Variants in CAMTA1 observed in about 807,000 individuals in gnomAD.
CAMTA1 encodes the protein calmodulin binding transcription activator 1.
A neutral mutation model predicts 170.9 loss-of-function variants in CAMTA1; 27 were observed. That is an observed-to-expected ratio of 0.16 (90% confidence interval 0.12 to 0.22). The LOEUF is 0.22. Among genes scored for constraint, CAMTA1 ranks in the 10% least tolerant of loss-of-function variants. The pLI, the probability that CAMTA1 is intolerant of heterozygous loss-of-function variation, is 1.00. For missense variants in CAMTA1, 1,619 were observed against 2,217.2 expected, an observed-to-expected ratio of 0.73 and a Z score of 5.42; for synonymous variants, 833 against 891.5, an observed-to-expected ratio of 0.93 and a Z score of 1.17.
Position 7,565,179 on chromosome 1 carries a change from G to A in CAMTA1, c.511-75221G>A, listed in dbSNP as rs184946944. On this transcript the variant is annotated intron_variant, in intron 6 of 22. Transcript: ENST00000303635. The surrounding 1 kb of genome is among the most constrained non-coding windows in gnomAD (Gnocchi z 4.5). ...CACCCCCACCCTCCACTTGCCAGCC[G>A]ATCACTGGGGCAGAAGGTGGGATCT... Among the ~76,000 whole-genome samples, 13 of 152,180 alleles carry A rather than the reference G, an allele frequency of 8.5e-5. No individual in the cohort carries two copies. Among genetic ancestry groups the A allele is most frequent in the South Asian group, 2.1e-4 (1 of 4,822 alleles).
chr1:7,755,517 T>A (rs1212545689), intron 21 of CAMTA1, 121 bp from the exon 22 acceptor site: 2 of 820,390 alleles, frequency 2.4e-6, no homozygotes, highest in Non-Finnish European at 4.2e-6. Flanking sequence ...ACTCTCCTTT[T>A]CTTTCTTTCC....
chr1:7,243,528 A>G (rs1301630551), intron 4 of CAMTA1, among the ~76,000 whole-genome samples: 1 of 152,216 alleles, frequency 6.6e-6, no homozygotes, highest in Non-Finnish European at 1.5e-5. Context: ...GTCAAAGATC[A>G]GATAGTTGTA....
At chr1:7,444,070 C>G (rs1259233953) in intron 5 of CAMTA1, among the ~76,000 whole-genome samples, 1 of 152,180 alleles carries the variant, frequency 6.6e-6, no homozygotes, top group Non-Finnish European at 1.5e-5. Flanking sequence ...TTCCCTCGCT[C>G]AGAGGAAACC....
chr1:7,453,907 C>T (rs1456851186), intron 5 of CAMTA1, among the ~76,000 whole-genome samples: 3 of 152,272 alleles, frequency 2.0e-5, no homozygotes, highest in African/African-American at 7.2e-5. Flanking sequence ...CCTGGAGGTG[C>T]ATCCACTGTG....
intron 3 of CAMTA1, among the ~76,000 whole-genome samples, chr1:6,907,782 G>A (rs1678858213): frequency 6.6e-6 from 1 of 152,200 alleles, no homozygotes; most frequent in African/African-American, 2.4e-5. Flanking sequence ...AGACCAGTCA[G>A]CCCTCGGTGG....
At chr1:7,576,175 A>AT (rs2095190378) in intron 6 of CAMTA1, among the ~76,000 whole-genome samples, 2 of 151,706 alleles carry the variant, frequency 1.3e-5, no homozygotes, top group Admixed American at 1.3e-4. Flanking sequence ...CGCCTGGCTA[A>AT]TTTTTTGTAT....
intron 7 of CAMTA1, among the ~76,000 whole-genome samples, chr1:7,655,626 A>C (rs370169566): frequency 1.2e-5 from 1 of 85,038 alleles, no homozygotes; most frequent in Non-Finnish European, 2.4e-5. Context: ...ACACACCTAT[A>C]CACACACCTA....
chr1:6,902,077 A>AAAAAAAAAAAAAT, intron 3 of CAMTA1, among the ~76,000 whole-genome samples: 1 of 70,872 alleles, frequency 1.4e-5, no homozygotes, highest in African/African-American at 3.5e-5. Context: ...ACACACAAAA[A>AAAAAAAAAAAAAT]AAAAAATAAA....
chr1:7,181,976 A>G (rs1652262310), intron 4 of CAMTA1, among the ~76,000 whole-genome samples: 2 of 151,910 alleles, frequency 1.3e-5, no homozygotes. Context: ...CTCTATAATT[A>G]AAACAGTATG....
intron 4 of CAMTA1, among the ~76,000 whole-genome samples, chr1:7,123,531 A>T (rs764825371): frequency 4.0e-5 from 6 of 151,636 alleles, no homozygotes; most frequent in Non-Finnish European, 8.8e-5. Context: ...CCCTCTCCAC[A>T]CCTGCTCTCT....
At chr1:7,078,674 A>G (rs1639630439) in intron 3 of CAMTA1, among the ~76,000 whole-genome samples, 1 of 152,250 alleles carries the variant, frequency 6.6e-6, no homozygotes, top group Non-Finnish European at 1.5e-5. Flanking sequence ...TGCTACAAAC[A>G]ATGATAAAAC....
intron 4 of CAMTA1, among the ~76,000 whole-genome samples, chr1:7,218,388 T>G (rs992616290): frequency 6.6e-6 from 1 of 152,164 alleles, no homozygotes; most frequent in Admixed American, 6.5e-5. Flanking sequence ...CATCGCCACA[T>G]TGAGTGGTTC....
At chr1:6,969,201 C>G (rs1461614885) in intron 3 of CAMTA1, among the ~76,000 whole-genome samples, 2 of 152,124 alleles carry the variant, frequency 1.3e-5, no homozygotes, top group Admixed American at 1.3e-4. Flanking sequence ...TGGATCAGCC[C>G]GAGCCATGCT....
At chr1:7,374,670 C>A (rs544965664) in intron 5 of CAMTA1, among the ~76,000 whole-genome samples, 1 of 152,188 alleles carries the variant, frequency 6.6e-6, no homozygotes, top group African/African-American at 2.4e-5. Flanking sequence ...AGCAGGCGTG[C>A]GGCACCCCTG....
In CAMTA1 at chr1:7,007,019, A is replaced by AG. The variant is rs1699100558; in HGVS notation, c.235-84285_235-84284insG. 6.6e-6 allele frequency among the ~76,000 whole-genome samples: 1 copy of AG among 151,688 alleles called. No homozygotes were observed. The highest frequency in any genetic ancestry group is 1.5e-5 in the Non-Finnish European group (1 of 67,946). On this transcript the variant is annotated intron_variant, in intron 3 of 22. Coordinates refer to ENST00000303635, the MANE Select transcript of CAMTA1 (RefSeq NM_015215.4). This position sits in a 1 kb window ranked among gnomAD's most constrained non-coding sequence, Gnocchi z 4.5. Reference sequence around the variant, plus strand: ...CAGATGGTAGTAAAAAAAAAAAAAAAAAATAAGAATTTTTGGATACGGTAT... The same window carrying AG: ...CAGATGGTAGTAAAAAAAAAAAAAAAGAAATAAGAATTTTTGGATACGGTAT...
chr1:7,669,698 A>C (rs1218630065), intron 9 of CAMTA1, among the ~76,000 whole-genome samples: 1 of 152,156 alleles, frequency 6.6e-6, no homozygotes, highest in Non-Finnish European at 1.5e-5. Context: ...ACTGCAGGGA[A>C]AGGTGTTTAC....
At chr1:7,290,573 A>C (rs1574466349) in intron 5 of CAMTA1, among the ~76,000 whole-genome samples, 1 of 148,428 alleles carries the variant, frequency 6.7e-6, no homozygotes, top group Non-Finnish European at 1.5e-5. Context: ...TGTTGCAACC[A>C]CCCCCCCCAT....
intron 4 of CAMTA1, among the ~76,000 whole-genome samples, chr1:7,095,916 T>C (rs1006581081): frequency 6.6e-6 from 1 of 152,030 alleles, no homozygotes; most frequent in Non-Finnish European, 1.5e-5. Context: ...CCCTGGGAAA[T>C]ACGCAACCTT....
chr1:7,226,116 G>A (rs1009403593), intron 4 of CAMTA1, among the ~76,000 whole-genome samples: 1 of 152,278 alleles, frequency 6.6e-6, no homozygotes, highest in South Asian at 2.1e-4. Context: ...TTTTAACTCT[G>A]CTCAATGAGA....
Sources: allele counts gnomAD v4.1 joint callset (sites outside exome capture counted in the v4.1 genomes callset), GRCh38; gene constraint gnomAD v4.1.1; non-coding constraint Gnocchi (gnomAD v3.1); transcripts MANE v1.5; gene names NCBI Gene and HGNC (gene_info 2026-07-23, HGNC 2026-07-21).